The following FAR2 variants were observed in gnomAD, a reference collection of about 807,000 sequenced individuals.
FAR2 encodes fatty acyl-CoA reductase 2.
A neutral mutation model predicts 56.0 loss-of-function variants in FAR2; 19 were observed. That is an observed-to-expected ratio of 0.34 (90% CI 0.24 to 0.50). FAR2 has a LOEUF of 0.50. Ranked by LOEUF, FAR2 falls within the 20% of genes least tolerant of loss-of-function variation. The pLI, the probability that FAR2 is intolerant of heterozygous loss-of-function variation, is 0.98. For synonymous variants in FAR2, 219 were observed against 218.8 expected (o/e 1.00, Z -0.01); for missense variants, 508 against 642.2 (o/e 0.79, Z 2.26).
At chr12:29,258,474 T>A (rs1948364157) in intron 1 of FAR2, among the ~76,000 whole-genome samples, 1 of 152,240 alleles carries the variant, frequency 6.6e-6, no homozygotes, top group African/African-American at 2.4e-5. Flanking sequence ...CTAACATAAT[T>A]ATTGAAAGAA....
Position 29,311,023 on chromosome 12 carries a change from T to C in FAR2, c.769-5T>C, listed in dbSNP as rs2136789122. The C allele has an allele frequency of 2.5e-6, 4 of 1,606,392 alleles. No homozygotes were observed. Among genetic ancestry groups the C allele is most frequent in the Non-Finnish European group, 3.4e-6 (4 of 1,173,132 alleles). On this transcript the variant is annotated splice_polypyrimidine_tract_variant and splice_region_variant and intron_variant, in intron 6 of 11. Coordinates refer to ENST00000536681, the MANE Select transcript of FAR2 (RefSeq NM_001271783.2). Reference sequence around the variant, plus strand: ...TTAATATTTTATGTTCTTTTTCCTATGCAGACTGGGAAAGGGTTTCTTCGG... The same window carrying C: ...TTAATATTTTATGTTCTTTTTCCTACGCAGACTGGGAAAGGGTTTCTTCGG...
intron 1 of FAR2, among the ~76,000 whole-genome samples, chr12:29,259,849 A>T (rs1177539835): frequency 1.3e-5 from 2 of 152,046 alleles, no homozygotes; most frequent in Non-Finnish European, 2.9e-5. Flanking sequence ...ATTATATAGG[A>T]TGCTTGGGTG....
At chr12:29,308,972 C>CAAAAT (rs1949302084) in intron 5 of FAR2, among the ~76,000 whole-genome samples, 1 of 151,914 alleles carries the variant, frequency 6.6e-6, no homozygotes, top group Non-Finnish European at 1.5e-5. Flanking sequence ...ACAATCCTGG[C>CAAAAT]AAAATTCTAA....
At chr12:29,196,042 A>G (rs1950140906) in intron 1 of FAR2, among the ~76,000 whole-genome samples, 1 of 152,264 alleles carries the variant, frequency 6.6e-6, no homozygotes, top group East Asian at 1.9e-4. Flanking sequence ...TCATTTTTTT[A>G]TGGCCAAATA....
chr12:29,296,346 ATTTG>A (rs1368177252), intron 3 of FAR2, among the ~76,000 whole-genome samples: 2 of 152,226 alleles, frequency 1.3e-5, no homozygotes, highest in African/African-American at 2.4e-5. Context: ...GTTCTAGTGA[ATTTG>A]TTTAACTAAA....
At chr12:29,299,749 CAAA>C (rs1003411509) in intron 4 of FAR2, among the ~76,000 whole-genome samples, 2 of 152,146 alleles carry the variant, frequency 1.3e-5, no homozygotes, top group African/African-American at 4.8e-5. Flanking sequence ...GCTGCAGTCA[CAAA>C]GAAGTAAGGC....
intron 1 of FAR2, among the ~76,000 whole-genome samples, chr12:29,219,301 A>G (rs12825196): frequency 0.022 from 3,399 of 152,348 alleles, 50 homozygotes; most frequent in Middle Eastern, 0.092. Context: ...AATGTTCAAT[A>G]CGTAAAATAA....
rs182106096 is a variant in FAR2 at position 29,302,074 on chromosome 12, C to G, written c.545+4874C>G. On this transcript the variant is annotated intron_variant, in intron 4 of 11. Transcript: ENST00000536681. ...TGAAACCCCGTCTCTACTAAAAATA[C>G]AAAAAATTAGCCGGGCGTGGTGGTG... The G allele has an allele frequency of 2.6e-5, 4 of 151,836 alleles. No homozygotes were observed. The East Asian group carries it at 7.8e-4, about 30-fold the overall frequency. 9.4% of individuals were successfully genotyped at this position (151,836 alleles called of 1,614,324 possible).
intron 1 of FAR2, among the ~76,000 whole-genome samples, chr12:29,262,946 A>G (rs193191486): frequency 2.1e-4 from 32 of 152,328 alleles, no homozygotes; most frequent in African/African-American, 7.5e-4. Flanking sequence ...AAATAAAGGG[A>G]TGGAAAAAGA....
chr12:29,314,831 G>A (rs1949419111), intron 8 of FAR2, among the ~76,000 whole-genome samples: 1 of 152,114 alleles, frequency 6.6e-6, no homozygotes. Context: ...TGCCTAGCAA[G>A]TGTTAAATGC....
chr12:29,239,289 G>A (rs900228670), intron 1 of FAR2, among the ~76,000 whole-genome samples: 12 of 152,248 alleles, frequency 7.9e-5, no homozygotes, highest in African/African-American at 2.9e-4. Context: ...TGGAAGTAAA[G>A]GGGATAGCCA....
intron 10 of FAR2, among the ~76,000 whole-genome samples, chr12:29,329,486 G>C (rs886315141): frequency 6.6e-6 from 1 of 152,214 alleles, no homozygotes; most frequent in Non-Finnish European, 1.5e-5. Context: ...CCAAATTCTG[G>C]TGTGGCTCAA....
intron 1 of FAR2, among the ~76,000 whole-genome samples, chr12:29,189,734 G>A (rs1299057104): frequency 6.6e-6 from 1 of 152,188 alleles, no homozygotes; most frequent in Non-Finnish European, 1.5e-5. Flanking sequence ...AGGGCTCACT[G>A]AGTCACATTT....
intron 1 of FAR2, 57 bp from the exon 2 acceptor site, chr12:29,270,355 C>A: frequency 7.6e-7 from 1 of 1,314,960 alleles, no homozygotes; most frequent in Non-Finnish European, 1.0e-6. Context: ...TTTTAAGTGA[C>A]TTTGAATATG....
chr12:29,161,387 A>T (rs1949780359), intron 1 of FAR2, among the ~76,000 whole-genome samples: 2 of 152,232 alleles, frequency 1.3e-5, no homozygotes, highest in Admixed American at 1.3e-4. Flanking sequence ...AGTTTGTATA[A>T]ATGAAATTAT....
At chr12:29,186,778 ATTT>A (rs1950047414) in intron 1 of FAR2, among the ~76,000 whole-genome samples, 1 of 21,216 alleles carries the variant, frequency 4.7e-5, no homozygotes, top group Non-Finnish European at 2.6e-4. Flanking sequence ...TTATTTATTT[ATTT>A]ATTTATTTAT....
Position 29,201,016 on chromosome 12 carries a change from A to T in FAR2, c.-39+51609A>T, listed in dbSNP as rs1016569000. ...ATCCGTCACCAGGTCAGGGGTCTGC[A>T]AGGGACAGACTCCCTGCAGCTGGTG... On this transcript the variant is annotated intron_variant, in intron 1 of 11. Coordinates refer to ENST00000536681, the MANE Select transcript of FAR2 (RefSeq NM_001271783.2). Among the ~76,000 whole-genome samples, 15 of 152,156 alleles carry T rather than the reference A, an allele frequency of 9.9e-5. 1 individual carries two copies. The highest frequency in any genetic ancestry group is 2.2e-4 in the Non-Finnish European group (15 of 68,030).
chr12:29,296,981 A>G, intron 3 of FAR2, 40 bp from the exon 4 acceptor site: 1 of 1,538,962 alleles, frequency 6.5e-7, no homozygotes, highest in Non-Finnish European at 8.8e-7. Flanking sequence ...CATGATACTG[A>G]CTTACTTCAT....
chr12:29,311,240 G>GAT, intron 7 of FAR2, 94 bp downstream of exon 7: 1 of 809,182 alleles, frequency 1.2e-6, no homozygotes, highest in Non-Finnish European at 2.1e-6. Context: ...CATTGTACAA[G>GAT]ACCCCAAATG....
Sources: allele counts gnomAD v4.1 joint callset (sites outside exome capture counted in the v4.1 genomes callset), GRCh38; gene constraint gnomAD v4.1.1; transcripts MANE v1.5; gene names NCBI Gene and HGNC (gene_info 2026-07-23, HGNC 2026-07-21).